The following ZNF275 variants were observed in gnomAD, a reference collection of about 807,000 sequenced individuals.
ZNF275 encodes zinc finger protein 275.
Under a neutral mutation model 4.3 loss-of-function variants are expected in ZNF275, and 4 were observed. That is an observed-to-expected ratio of 0.93 (90% confidence interval 0.46 to 2.13). ZNF275 has a LOEUF of 2.13. ZNF275 is among the 30% of genes most tolerant of loss of function. ZNF275 has a pLI of 0.02. For synonymous variants in ZNF275, 173 were observed against 166.9 expected (o/e 1.04, Z -0.28); for missense variants, 352 against 397.1 (o/e 0.89, Z 0.97).
At chrX:153,338,682 G>C (rs2088461902) in intron 2 of ZNF275, among the ~76,000 whole-genome samples, 1 of 87,782 alleles carries the variant, frequency 1.1e-5, no homozygotes, top group African/African-American at 6.8e-5. Flanking sequence ...GTGTGTGTGT[G>C]TGTGTGTGTG....
chrX:153,347,908 G>T lies in ZNF275; in HGVS notation c.1223G>T (p.Ser408Ile), dbSNP rs782640712. 2 of 1,174,106 alleles carry T rather than the reference G, an allele frequency of 1.7e-6. No homozygotes were observed. Among genetic ancestry groups the T allele is most frequent in the Non-Finnish European group, 2.3e-6 (2 of 875,022 alleles). ...IHSGARRCEC[S>I]QCGRVFKRRS... ...AGTGGGGCGCGGCGCTGCGAATGCA[G>T]CCAGTGTGGCCGCGTGTTCAAGAGG... Residue 408 changes from serine to isoleucine, a missense_variant, in exon 4 of 4, where the codon AGC becomes ATC. Physicochemically the swap from Ser to Ile is moderately radical, Grantham distance 142 (BLOSUM62 -2). Coordinates refer to ENST00000650114, the MANE Select transcript of ZNF275 (RefSeq NM_001367757.1).
chrX:153,343,036 T>C (rs1308024303), intron 2 of ZNF275, among the ~76,000 whole-genome samples: 1 of 112,577 alleles, frequency 8.9e-6, no homozygotes, highest in Non-Finnish European at 1.9e-5. Context: ...GGGGCAATGA[T>C]AGGGCTCCCG....
In ZNF275 at chrX:153,335,120, C is replaced by G. The variant is rs192810357; in HGVS notation, c.-47+835C>G. Among the ~76,000 whole-genome samples, 271 of 107,630 alleles carry G rather than the reference C, an allele frequency of 2.5e-3. 9 individuals carry two copies. The East Asian group carries it at 0.062, about 25-fold the overall frequency. The allele number at this position is 107,630 out of a possible 115,157, so 93.5% of individuals were successfully genotyped here. On this transcript the variant is annotated intron_variant, in intron 1 of 3. Transcript: ENST00000650114. ...TGATTAATTATATATCTTTTCCACACACACCCCCCACTCGCCTGCCGCCCA... is the reference window on the plus strand; with the variant it reads ...TGATTAATTATATATCTTTTCCACAGACACCCCCCACTCGCCTGCCGCCCA...
In ZNF275 at chrX:153,347,948, G is replaced by T; in HGVS notation, c.1263G>T (p.Gln421His). ...GRVFKRRSAL[Q>H]KHQPTHHE ...TGTTCAAGAGGCGCTCGGCACTGCAGAAGCATCAGCCAACCCACCACGAGT... is the reference window on the plus strand; with the variant it reads ...TGTTCAAGAGGCGCTCGGCACTGCATAAGCATCAGCCAACCCACCACGAGT... Residue 421 changes from glutamine (Q) to histidine (H), a missense_variant, in exon 4 of 4, where the codon CAG becomes CAT. Coordinates refer to ENST00000650114, the MANE Select transcript of ZNF275 (RefSeq NM_001367757.1). 1 of 1,135,387 alleles carries T rather than the reference G, an allele frequency of 8.8e-7. No individual in the cohort carries two copies. Among genetic ancestry groups the T allele is most frequent in the East Asian group, 3.2e-5 (1 of 30,877 alleles). The allele number at this position is 1,135,387 out of a possible 1,213,427, so 93.6% of individuals were successfully genotyped here. A position where few individuals can be genotyped will look rare whatever the true frequency, so the allele number is the denominator to read the frequency against.
intron 2 of ZNF275, among the ~76,000 whole-genome samples, chrX:153,339,955 G>T (rs2088471025): frequency 8.9e-6 from 1 of 111,933 alleles, no homozygotes; most frequent in Admixed American, 9.4e-5. Context: ...CTCAGAAGGT[G>T]TATCCACAAT....
intron 1 of ZNF275, among the ~76,000 whole-genome samples, chrX:153,336,173 AC>A (rs782094476): frequency 1.0e-3 from 113 of 112,843 alleles, no homozygotes; most frequent in African/African-American, 3.5e-3. Flanking sequence ...TAAGATAGAA[AC>A]CCAAACAGAA....
At chrX:153,343,416 G>A in intron 2 of ZNF275, 1 of 354,816 alleles carries the variant, frequency 2.8e-6, no homozygotes, top group Non-Finnish European at 5.5e-6. Flanking sequence ...GGATGCCGGT[G>A]GTTGAATCTT....
chrX:153,334,158 C>G lies in ZNF275; in HGVS notation c.-174C>G, dbSNP rs1343673091. The stretch of plus-strand genomic sequence containing the variant: ...CCGGCGGCGCTCACGGCTCCGGAAA[C>G]GCGCCGCGGGGCTGTTAGCTCGGCT... On this transcript the variant is annotated 5_prime_UTR_variant, in exon 1 of 4. Transcript: ENST00000650114. The G allele has an allele frequency of 9.0e-6, 1 of 111,075 alleles. No individual in the cohort carries two copies. Among genetic ancestry groups the G allele is most frequent in the Non-Finnish European group, 1.9e-5 (1 of 52,622 alleles). 9.2% of individuals were successfully genotyped at this position (111,075 alleles called of 1,213,427 possible).
At position 153,346,852 on chromosome X, in the gene ZNF275, G is replaced by C. The variant is rs1556961612; in HGVS notation, c.167G>C (p.Gly56Ala). The C allele has an allele frequency of 8.3e-7, 1 of 1,205,095 alleles. No homozygotes were observed. The highest frequency in any genetic ancestry group is 1.1e-6 in the Non-Finnish European group (1 of 891,388). ...TCCGCGACCCGACACCAGATGAAGGGGGAAGATGCCCAGCCACAGGAGATG... is the reference window on the plus strand; with the variant it reads ...TCCGCGACCCGACACCAGATGAAGGCGGAAGATGCCCAGCCACAGGAGATG... ...STSATRHQMKGEDAQPQEMAS... is the reference protein window; with the variant it reads ...STSATRHQMKAEDAQPQEMAS... The change falls in exon 4 of 4, where the codon GGG becomes GCG. Residue 56 changes from glycine (G) to alanine (A), a missense_variant. Physicochemically the swap from Gly to Ala is moderately conservative, Grantham distance 60. Coordinates refer to ENST00000650114, the MANE Select transcript of ZNF275 (RefSeq NM_001367757.1).
intron 2 of ZNF275, chrX:153,344,306 G>T: frequency 3.6e-6 from 1 of 278,569 alleles, no homozygotes; most frequent in Non-Finnish European, 6.8e-6. Context: ...ATGACACACG[G>T]CAGAGTATGA....
chrX:153,344,552 C>T, intron 2 of ZNF275: 1 of 350,292 alleles, frequency 2.9e-6, no homozygotes, highest in South Asian at 2.6e-5. Flanking sequence ...GTTAGGCCTC[C>T]ATGTTAGCAA....
chrX:153,347,228 C>G lies in ZNF275; in HGVS notation c.543C>G (p.Phe181Leu). 8.3e-7 allele frequency: 1 copy of G among 1,210,371 alleles called. No individual in the cohort carries two copies. The highest frequency in any genetic ancestry group is 1.1e-6 in the Non-Finnish European group (1 of 894,596). Residue 181 changes from phenylalanine (F) to leucine (L), a missense_variant, in exon 4 of 4, where the codon TTC becomes TTG. Physicochemically the swap from Phe to Leu is conservative, Grantham distance 22. Transcript: ENST00000650114. ...REQMEREAKPFECEECGKRFK... is the reference protein window; with the variant it reads ...REQMEREAKPLECEECGKRFK... ...AGATGGAGAGGGAGGCAAAGCCCTTCGAGTGCGAGGAGTGCGGAAAACGGT... is the reference window on the plus strand; with the variant it reads ...AGATGGAGAGGGAGGCAAAGCCCTTGGAGTGCGAGGAGTGCGGAAAACGGT...
At chrX:153,337,905 G>C (rs1312404890) in intron 2 of ZNF275, among the ~76,000 whole-genome samples, 19 of 112,026 alleles carry the variant, frequency 1.7e-4, no homozygotes, top group Non-Finnish European at 1.1e-4. Flanking sequence ...TTGTATGTAG[G>C]AGTGCACCCT....
In ZNF275 at chrX:153,346,702, C is replaced by T. The variant is rs782786499; in HGVS notation, c.134-117C>T. ...TGCAGTCCTTGCTTCTGGTGGCTTCCGGGCCCAGGCCCCGTGCTCAGTGGC... is the reference window on the plus strand; with the variant it reads ...TGCAGTCCTTGCTTCTGGTGGCTTCTGGGCCCAGGCCCCGTGCTCAGTGGC... On this transcript the variant is annotated intron_variant, in intron 3 of 3. Transcript: ENST00000650114. 219 of 813,385 alleles carry T rather than the reference C, an allele frequency of 2.7e-4. 1 individual carries two copies. In the African/African-American group the frequency reaches 3.6e-3, roughly 13 times the overall value. 67.0% of individuals were successfully genotyped at this position (813,385 alleles called of 1,213,427 possible). A position where few individuals can be genotyped will look rare whatever the true frequency, so the allele number is the denominator to read the frequency against.
In ZNF275 at chrX:153,347,811, C is replaced by T. The variant is rs782518422; in HGVS notation, c.1126C>T (p.Pro376Ser). Residue 376 changes from proline (P) to serine (S), a missense_variant, in exon 4 of 4, where the codon CCC becomes TCC. Coordinates refer to ENST00000650114, the MANE Select transcript of ZNF275 (RefSeq NM_001367757.1). ...KHRRIHSGLK[P>S]YECDKCGKAF... ...CCGGCGCATCCACAGCGGACTGAAACCCTATGAGTGCGACAAATGCGGCAA... is the reference window on the plus strand; with the variant it reads ...CCGGCGCATCCACAGCGGACTGAAATCCTATGAGTGCGACAAATGCGGCAA... 8.3e-7 allele frequency: 1 copy of T among 1,210,533 alleles called. No individual in the cohort carries two copies. Among genetic ancestry groups the T allele is most frequent in the Admixed American group, 2.2e-5 (1 of 46,055 alleles).
chrX:153,337,811 G>A (rs1239855234), intron 2 of ZNF275, among the ~76,000 whole-genome samples: 1 of 111,981 alleles, frequency 8.9e-6, no homozygotes, highest in African/African-American at 3.3e-5. Flanking sequence ...AGATCCCATT[G>A]AAAGAAGGAG....
chrX:153,341,426 C>T (rs2088479671), intron 2 of ZNF275, among the ~76,000 whole-genome samples: 1 of 112,626 alleles, frequency 8.9e-6, no homozygotes, highest in Non-Finnish European at 1.9e-5. Flanking sequence ...ATAAACCCCA[C>T]ACTACCTTTT....
intron 2 of ZNF275, chrX:153,343,413 G>A (rs369486153): frequency 2.3e-5 from 8 of 353,676 alleles, no homozygotes; most frequent in Middle Eastern, 4.3e-4. Flanking sequence ...CACGGATGCC[G>A]GTGGTTGAAT....
chrX:153,347,703 G>A lies in ZNF275; in HGVS notation c.1018G>A (p.Ala340Thr), dbSNP rs782659392. 6 of 1,208,632 alleles carry A rather than the reference G, an allele frequency of 5.0e-6. No homozygotes were observed. In the East Asian group the frequency reaches 1.2e-4, roughly 24 times the overall value. ...CCAGAGCTCCAGCCTCCTGGAGCAC[G>A]CACGCATCCACAGTGGCGAGCGGCC... ...FRQSSSLLEH[A>T]RIHSGERPYA... Residue 340 changes from alanine to threonine, a missense_variant, in exon 4 of 4, where the codon GCA (alanine) becomes ACA (threonine). Ala to Thr is a moderately conservative substitution (Grantham distance 58). Coordinates refer to ENST00000650114, the MANE Select transcript of ZNF275 (RefSeq NM_001367757.1).
Sources: allele counts gnomAD v4.1 joint callset (sites outside exome capture counted in the v4.1 genomes callset), GRCh38; gene constraint gnomAD v4.1.1; transcripts MANE v1.5; gene names NCBI Gene and HGNC (gene_info 2026-07-23, HGNC 2026-07-21).